The following DPP6 variants were observed in gnomAD, a reference collection of about 807,000 sequenced individuals.
DPP6 encodes A-type potassium channel modulatory protein DPP6.
A neutral mutation model predicts 122.6 loss-of-function variants in DPP6; 69 were observed. The ratio of observed to expected loss-of-function variants is 0.56; its 90% CI spans 0.46 to 0.69. DPP6 has a LOEUF of 0.69. DPP6 is among the 30% of genes least tolerant of loss of function. The pLI is 0.00. For synonymous variants in DPP6, 418 were observed against 433.1 expected (o/e 0.97, Z 0.43); for missense variants, 928 against 1,116.9 (o/e 0.83, Z 2.41).
intron 3 of DPP6, among the ~76,000 whole-genome samples, chr7:154,531,945 A>T (rs774981963): frequency 2.0e-5 from 3 of 152,150 alleles, no homozygotes; most frequent in Non-Finnish European, 4.4e-5. Context: ...AATTCTAAAG[A>T]TATTTAAACA....
chr7:154,036,021 T>TGCGCGCGC (rs1799506388), intron 1 of DPP6, among the ~76,000 whole-genome samples: 2 of 21,746 alleles, frequency 9.2e-5, no homozygotes, highest in African/African-American at 5.6e-4. Flanking sequence ...CGCGCGCGCT[T>TGCGCGCGC]GTGTGTGTGT....
intron 5 of DPP6, among the ~76,000 whole-genome samples, chr7:154,613,869 C>T (rs1381470795): frequency 6.6e-6 from 1 of 152,192 alleles, no homozygotes; most frequent in Non-Finnish European, 1.5e-5. Flanking sequence ...ACACAAGCCA[C>T]AGCTGAGCAG....
chr7:154,437,359 A>C (rs1306561822), intron 1 of DPP6, among the ~76,000 whole-genome samples: 1 of 152,212 alleles, frequency 6.6e-6, no homozygotes, highest in East Asian at 1.9e-4. Context: ...TAAAATAGTG[A>C]AGACCTCAGG....
intron 17 of DPP6, among the ~76,000 whole-genome samples, chr7:154,861,935 G>A (rs1568900): frequency 2.0e-5 from 3 of 152,020 alleles, no homozygotes; most frequent in East Asian, 1.9e-4. Context: ...TTCACTGAAC[G>A]CCTGAGCTAT....
chr7:154,071,647 A>G (rs1803128234), intron 1 of DPP6, among the ~76,000 whole-genome samples: 1 of 152,190 alleles, frequency 6.6e-6, no homozygotes, highest in Non-Finnish European at 1.5e-5. Flanking sequence ...CGTTTCATCC[A>G]TTTCACTACC....
At chr7:154,015,158 T>C (rs1306194037) in intron 1 of DPP6, among the ~76,000 whole-genome samples, 1 of 152,056 alleles carries the variant, frequency 6.6e-6, no homozygotes, top group Non-Finnish European at 1.5e-5. Context: ...CTCACCACTT[T>C]TATGGCCTTT....
At chr7:154,085,030 CTTG>C (rs1804305452) in intron 1 of DPP6, among the ~76,000 whole-genome samples, 1 of 146,960 alleles carries the variant, frequency 6.8e-6, no homozygotes, top group Non-Finnish European at 1.5e-5. Flanking sequence ...TTTATAAAAC[CTTG>C]TTGTATCTCT....
At chr7:154,540,144 T>G (rs1263698258) in intron 3 of DPP6, among the ~76,000 whole-genome samples, 1 of 152,206 alleles carries the variant, frequency 6.6e-6, no homozygotes, top group African/African-American at 2.4e-5. Flanking sequence ...GATGTGGCTA[T>G]GGGCCACAAG....
At chr7:154,105,625 G>A (rs535834297) in intron 1 of DPP6, among the ~76,000 whole-genome samples, 1 of 152,260 alleles carries the variant, frequency 6.6e-6, no homozygotes, top group Admixed American at 6.5e-5. Context: ...ACAGTGGGAG[G>A]TAATCGATTC....
intron 2 of DPP6, among the ~76,000 whole-genome samples, chr7:154,458,875 C>T (rs1289060265): frequency 6.6e-6 from 1 of 152,174 alleles, no homozygotes; most frequent in Non-Finnish European, 1.5e-5. Context: ...TAGCTCAGCT[C>T]TCTAGGGGAC....
At chr7:153,963,352 C>G (rs1455868537) in intron 1 of DPP6, among the ~76,000 whole-genome samples, 2 of 149,634 alleles carry the variant, frequency 1.3e-5, no homozygotes, top group Non-Finnish European at 3.0e-5. Context: ...CTTGCTCCTT[C>G]ATAGCAAGAG....
intron 8 of DPP6, 39 bp from the exon 9 acceptor site, chr7:154,769,378 T>C (rs1796097048): frequency 1.9e-6 from 3 of 1,610,928 alleles, no homozygotes; most frequent in East Asian, 4.5e-5. Flanking sequence ...TTCCACTCAC[T>C]TGTTACTATT....
At chr7:154,222,580 G>A (rs1026817771) in intron 1 of DPP6, among the ~76,000 whole-genome samples, 2 of 147,342 alleles carry the variant, frequency 1.4e-5, no homozygotes, top group Admixed American at 6.7e-5. Flanking sequence ...AATTGAACCC[G>A]GGAGGTGGAG....
At chr7:154,425,633 T>G (rs201889220) in intron 1 of DPP6, among the ~76,000 whole-genome samples, 2 of 132,234 alleles carry the variant, frequency 1.5e-5, no homozygotes, top group African/African-American at 3.3e-5. Flanking sequence ...TGTGTGTGTG[T>G]GTGTGTGTGT....
intron 1 of DPP6, among the ~76,000 whole-genome samples, chr7:153,907,493 T>G (rs1799899397): frequency 6.6e-6 from 1 of 152,264 alleles, no homozygotes. Flanking sequence ...TAAATTTATG[T>G]GTCCACTTGG....
chr7:154,367,183 C>A (rs1258318736), intron 1 of DPP6, among the ~76,000 whole-genome samples: 2 of 152,044 alleles, frequency 1.3e-5, no homozygotes, highest in African/African-American at 2.4e-5. Context: ...GCTAAGGTGA[C>A]AGGTGGGGGC....
intron 1 of DPP6, among the ~76,000 whole-genome samples, chr7:154,202,231 G>T (rs1799212368): frequency 6.6e-6 from 1 of 152,116 alleles, no homozygotes; most frequent in Non-Finnish European, 1.5e-5. Context: ...CTGGCCATGC[G>T]CTGGGTCTCT....
chr7:154,494,746 C>T (rs1051645680), intron 3 of DPP6, among the ~76,000 whole-genome samples: 1 of 152,078 alleles, frequency 6.6e-6, no homozygotes, highest in Admixed American at 6.6e-5. Flanking sequence ...CCCAGTGATC[C>T]CCAACCCACT....
At chr7:153,954,597 G>T (rs2041202) in intron 1 of DPP6, among the ~76,000 whole-genome samples, 65,994 of 152,032 alleles carry the variant, frequency 0.43, 14,544 homozygotes, top group Admixed American at 0.52. Context: ...AGTATTTTTG[G>T]AAGAGAGATT....
Sources: allele counts gnomAD v4.1 joint callset (sites outside exome capture counted in the v4.1 genomes callset), GRCh38; gene constraint gnomAD v4.1.1; transcripts MANE v1.5; gene names NCBI Gene and HGNC (gene_info 2026-07-23, HGNC 2026-07-21).